The following RCOR1 variants were observed in gnomAD, a reference collection of about 807,000 sequenced individuals.
The protein encoded by RCOR1 is REST corepressor.
RCOR1 carries 12 observed loss-of-function variants against 64.0 expected under a neutral mutation model. That is an observed-to-expected ratio of 0.19 (90% CI 0.12 to 0.30). The LOEUF (loss-of-function observed/expected upper bound fraction) is 0.30, where lower values mean the gene tolerates loss of function less well. Among genes scored for constraint, RCOR1 ranks in the 10% least tolerant of loss-of-function variants. The pLI, the probability that RCOR1 is intolerant of heterozygous loss-of-function variation, is 1.00. For synonymous variants in RCOR1, 279 were observed against 227.2 expected, an observed-to-expected ratio of 1.23 and a Z score of -2.05; for missense variants, 502 against 621.2, an observed-to-expected ratio of 0.81 and a Z score of 2.04.
intron 2 of RCOR1, among the ~76,000 whole-genome samples, chr14:102,634,302 T>A (rs993650513): frequency 1.3e-5 from 2 of 151,958 alleles, no homozygotes; most frequent in Non-Finnish European, 2.9e-5. Context: ...GAGGCCAGGA[T>A]TTCAAGGCTT....
chr14:102,666,358 G>C (rs1440983379), intron 2 of RCOR1, among the ~76,000 whole-genome samples: 1 of 152,194 alleles, frequency 6.6e-6, no homozygotes, highest in Non-Finnish European at 1.5e-5. Context: ...AGATTTACAG[G>C]AAAGTTGTAA....
At chr14:102,625,891 C>T (rs1893971039) in intron 2 of RCOR1, among the ~76,000 whole-genome samples, 1 of 152,162 alleles carries the variant, frequency 6.6e-6, no homozygotes, top group Admixed American at 6.5e-5. Context: ...AGGTTGAACA[C>T]AACAACACAG....
chr14:102,719,256 T>TCTTC (rs201989570), intron 8 of RCOR1, among the ~76,000 whole-genome samples: 1 of 152,064 alleles, frequency 6.6e-6, no homozygotes, highest in Non-Finnish European at 1.5e-5. Flanking sequence ...TTCTTCTTCT[T>TCTTC]TTTTTAAAAT....
rs1334055763 is a variant in RCOR1 at position 102,653,983 on chromosome 14, C to CTTTCT, written c.362-27909_362-27908insCTTTT. Among the ~76,000 whole-genome samples, 263 of 33,150 alleles carry CTTTCT rather than the reference C, an allele frequency of 7.9e-3. 2 individuals are homozygous for CTTTCT. The highest frequency in any genetic ancestry group is 0.012 in the Non-Finnish European group (191 of 16,118). 21.7% of individuals were successfully genotyped at this position (33,150 alleles called of 152,430 possible). Reference sequence around the variant, plus strand: ...TCTTTCTTTCTTTCTTTCTTTCTTTCTTTTTTTTTTTTTTTTTTTTGAGAC... The same window carrying CTTTCT: ...TCTTTCTTTCTTTCTTTCTTTCTTTCTTTCTTTTTTTTTTTTTTTTTTTTTGAGAC... On this transcript the variant is annotated intron_variant, in intron 2 of 11. Transcript: ENST00000262241.
At chr14:102,608,004 C>T (rs377349446) in intron 2 of RCOR1, among the ~76,000 whole-genome samples, 2 of 151,990 alleles carry the variant, frequency 1.3e-5, no homozygotes, top group East Asian at 3.9e-4. Context: ...TGCCATCAGC[C>T]GAGATCACGC....
At chr14:102,692,689 A>T (rs1029453557) in intron 3 of RCOR1, among the ~76,000 whole-genome samples, 1 of 149,246 alleles carries the variant, frequency 6.7e-6, no homozygotes, top group Non-Finnish European at 1.5e-5. Context: ...ATCTTGTAGC[A>T]TACTTTATTC....
At chr14:102,675,488 G>T (rs1243609649) in intron 2 of RCOR1, among the ~76,000 whole-genome samples, 1 of 152,172 alleles carries the variant, frequency 6.6e-6, no homozygotes, top group Non-Finnish European at 1.5e-5. Flanking sequence ...AAATACAGGG[G>T]ACTTGAACAC....
chr14:102,698,285 A>C (rs1444662853), intron 3 of RCOR1, among the ~76,000 whole-genome samples: 1 of 152,214 alleles, frequency 6.6e-6, no homozygotes, highest in Non-Finnish European at 1.5e-5. Context: ...CAGGCATTAC[A>C]GGCCTTGTTA....
chr14:102,616,204 ATATGTGTGTG>A (rs1394313684), intron 2 of RCOR1, among the ~76,000 whole-genome samples: 67 of 128,808 alleles, frequency 5.2e-4, no homozygotes, highest in African/African-American at 1.9e-3. Context: ...ATACATGTGT[ATATGTGTGTG>A]TGTGTGTGTG....
chr14:102,649,113 A>C (rs1017801726), intron 2 of RCOR1, among the ~76,000 whole-genome samples: 1 of 152,294 alleles, frequency 6.6e-6, no homozygotes, highest in East Asian at 1.9e-4. Flanking sequence ...ATCACACATA[A>C]TCACACCACT....
Position 102,631,271 on chromosome 14 carries a change from C to T in RCOR1, c.361+37946C>T, listed in dbSNP as rs1894105868. Among the ~76,000 whole-genome samples, 4 of 151,040 alleles carry T rather than the reference C, an allele frequency of 2.6e-5. No homozygotes were observed. The Admixed American group carries it at 2.6e-4, about 10-fold the overall frequency. ...GGGCTGGAGTGCAGTGGCGCAATCT[C>T]GGCTCACGGCAAGCCTCGCCTCCCA... On this transcript the variant is annotated intron_variant, in intron 2 of 11. Transcript: ENST00000262241.
intron 2 of RCOR1, among the ~76,000 whole-genome samples, chr14:102,670,108 G>A (rs988884023): frequency 6.6e-6 from 1 of 152,038 alleles, no homozygotes; most frequent in African/African-American, 2.4e-5. Context: ...GTGCCACCAT[G>A]CCCGACTAAT....
rs571715545 is a variant in RCOR1 at position 102,683,685 on chromosome 14, G to T, written c.445+1707G>T. On this transcript the variant is annotated intron_variant, in intron 3 of 11. Coordinates refer to ENST00000262241, the MANE Select transcript of RCOR1 (RefSeq NM_015156.4). The stretch of plus-strand genomic sequence containing the variant: ...CGCTGATGTTCCGTGCGCGAATGTG[G>T]CCCCCGCTGACCTGGAGATGGCAGC... Among the ~76,000 whole-genome samples, 6 of 152,354 alleles carry T rather than the reference G, an allele frequency of 3.9e-5. No individual in the cohort carries two copies. In the South Asian group the frequency reaches 1.2e-3, roughly 32 times the overall value.
chr14:102,631,884 T>A (rs1894120091), intron 2 of RCOR1, among the ~76,000 whole-genome samples: 1 of 152,046 alleles, frequency 6.6e-6, no homozygotes, highest in South Asian at 2.1e-4. Flanking sequence ...CACTGCAACC[T>A]CTGCCTCCAG....
At chr14:102,627,564 G>A (rs912286658) in intron 2 of RCOR1, among the ~76,000 whole-genome samples, 1 of 151,880 alleles carries the variant, frequency 6.6e-6, no homozygotes, top group Non-Finnish European at 1.5e-5. Flanking sequence ...GACTGAGGCA[G>A]GAGAATCGCT....
In RCOR1 at chr14:102,681,992, C is replaced by T. The variant is rs1895314330; in HGVS notation, c.445+14C>T. On this transcript the variant is annotated intron_variant, in intron 3 of 11. Coordinates refer to ENST00000262241, the MANE Select transcript of RCOR1 (RefSeq NM_015156.4). ...CAGAAGCAAAGTGTAAGTCTTGGAG[C>T]ACTTTATTTTCCACCTTTCTTGTTT... 2.5e-6 allele frequency: 4 copies of T among 1,590,676 alleles called. No homozygotes were observed. The highest frequency in any genetic ancestry group is 1.3e-5 in the African/African-American group (1 of 74,566).
At position 102,629,322 on chromosome 14, in the gene RCOR1, A is replaced by G. The variant is rs573102471; in HGVS notation, c.361+35997A>G. Among the ~76,000 whole-genome samples, 8 of 150,390 alleles carry G rather than the reference A, an allele frequency of 5.3e-5. No individual in the cohort carries two copies. In the East Asian group the frequency reaches 1.4e-3, roughly 26 times the overall value. On this transcript the variant is annotated intron_variant, in intron 2 of 11. Transcript: ENST00000262241. ...TCCTTGTTTTTCTTTTTTCTCATTT[A>G]CTCTTATCGTCATCTAACACACTTC...
rs1896274916 is a variant in RCOR1 at position 102,726,805 on chromosome 14, A to G, written c.*299A>G. The G allele has an allele frequency of 1.6e-5, 6 of 381,254 alleles. No homozygotes were observed. In the South Asian group the frequency reaches 2.1e-4, roughly 13 times the overall value. The allele number at this position is 381,254 out of a possible 1,614,324, so 23.6% of individuals were successfully genotyped here. The stretch of plus-strand genomic sequence containing the variant: ...ACCGCCTCTCCCGCCGGAGCCCCCG[A>G]GCCCCACCAATGGCAGCTCTTCCCA... On this transcript the variant is annotated 3_prime_UTR_variant, in exon 12 of 12. Coordinates refer to ENST00000262241, the MANE Select transcript of RCOR1 (RefSeq NM_015156.4).
rs148699269 is a variant in RCOR1, at chr14:102,710,978, A to G, written c.823A>G (p.Ile275Val). The G allele has an allele frequency of 5.0e-6, 8 of 1,608,688 alleles. No individual in the cohort carries two copies. In the South Asian group the frequency reaches 5.6e-5, roughly 11 times the overall value. The change falls in exon 7 of 12, where the codon ATT becomes GTT. Residue 275 changes from isoleucine (I) to valine (V), a missense_variant. Around this residue, in one of 2 missense-constraint regions of RCOR1, gnomAD observed 260 missense variants for 416.4 expected, o/e 0.62. Coordinates refer to ENST00000262241, the MANE Select transcript of RCOR1 (RefSeq NM_015156.4). Reference protein sequence around the residue: ...EEANGNNPIDIEVDQNKESKK... With the variant: ...EEANGNNPIDVEVDQNKESKK... ...GGCAAATGGAAACAATCCCATTGAC[A>G]TTGAGGTTGATCAAAACAAGGAAAG...
Sources: gnomAD v4.1 joint callset for allele counts (sites outside exome capture counted in the v4.1 genomes callset) on GRCh38, gnomAD v4.1.1 for gene constraint, gnomAD v4.1.1 regional missense constraint, MANE v1.5 for transcripts, NCBI Gene and HGNC (gene_info 2026-07-23, HGNC 2026-07-21) for gene names.